The following MYOF variants were observed in gnomAD, a reference collection of about 807,000 sequenced individuals.
MYOF encodes myoferlin, also known as fer-1-like 3, myoferlin.
MYOF carries 244 observed loss-of-function variants against 284.2 expected under a neutral mutation model. That is an observed-to-expected ratio of 0.86 (90% confidence interval 0.77 to 0.95). MYOF has a LOEUF of 0.95. MYOF is among the 40% of genes least tolerant of loss of function. The probability of loss-of-function intolerance (pLI) is 0.00; values close to 1 mark genes in which losing one functional copy is unlikely to be tolerated. For synonymous variants in MYOF, 904 were observed against 919.7 expected (o/e 0.98, Z 0.31); for missense variants, 2,496 against 2,560.6 (o/e 0.97, Z 0.54).
chr10:93,461,721 G>C (rs957170727), intron 1 of MYOF, among the ~76,000 whole-genome samples: 5 of 152,104 alleles, frequency 3.3e-5, no homozygotes, highest in Non-Finnish European at 7.4e-5. Context: ...GGGGGCAAAC[G>C]GGCTTTGTGG....
chr10:93,424,633 A>G (rs1300424329), intron 5 of MYOF, among the ~76,000 whole-genome samples: 1 of 152,118 alleles, frequency 6.6e-6, no homozygotes, highest in East Asian at 1.9e-4. Context: ...CAGTCTTGTC[A>G]CCAAGAGGAA....
chr10:93,479,432 G>GAA (rs1269859235), intron 1 of MYOF, among the ~76,000 whole-genome samples: 1 of 152,068 alleles, frequency 6.6e-6, no homozygotes, highest in East Asian at 1.9e-4. Context: ...TTAATTTTAC[G>GAA]CAGTGCTCAA....
intron 3 of MYOF, 77 bp downstream of exon 3, chr10:93,451,973 G>A (rs2056602622): frequency 6.9e-6 from 7 of 1,012,232 alleles, no homozygotes; most frequent in Non-Finnish European, 1.1e-5. Context: ...CGTTATTAAA[G>A]ATGTGTCTCT....
intron 1 of MYOF, among the ~76,000 whole-genome samples, chr10:93,477,574 C>T (rs1044952203): frequency 4.0e-5 from 6 of 150,634 alleles, no homozygotes; most frequent in African/African-American, 7.3e-5. Context: ...CATGGCCGGG[C>T]GCAGTGGCTC....
At chr10:93,396,320 G>C in intron 15 of MYOF, 96 bp from the exon 16 acceptor site, 1 of 897,908 alleles carries the variant, frequency 1.1e-6, no homozygotes, top group Non-Finnish European at 1.6e-6. Flanking sequence ...AAAAAAGTTA[G>C]AGCTGGAAAA....
At chr10:93,349,673 A>G in intron 36 of MYOF, 135 bp downstream of exon 36, 1 of 1,047,148 alleles carries the variant, frequency 9.5e-7, no homozygotes, top group Non-Finnish European at 1.3e-6. Context: ...AAAGTCACTG[A>G]CAAGCTGAAT....
At chr10:93,385,032 C>T (rs757571478) in intron 19 of MYOF, among the ~76,000 whole-genome samples, 5 of 152,126 alleles carry the variant, frequency 3.3e-5, no homozygotes, top group Admixed American at 6.5e-5. Flanking sequence ...GTGGGCCAGA[C>T]CAATGAGAGC....
chr10:93,350,266 T>A (rs1208923974), intron 35 of MYOF, among the ~76,000 whole-genome samples: 2 of 152,134 alleles, frequency 1.3e-5, no homozygotes, highest in Non-Finnish European at 2.9e-5. Context: ...CAAACAAGAC[T>A]GATCGTATTA....
chr10:93,399,348 G>T lies in MYOF; in HGVS notation c.1221+44C>A. On this transcript the variant is annotated intron_variant, in intron 13 of 53. Transcript: ENST00000359263. ...CTCCAAGGAAAGCACAGTAGTTTTA[G>T]ATATTTATTACTAGCAGCATCTGCA... 3 of 1,426,348 alleles carry T rather than the reference G, an allele frequency of 2.1e-6. No homozygotes were observed. In the South Asian group the frequency reaches 3.6e-5, roughly 17 times the overall value. The allele number at this position is 1,426,348 out of a possible 1,614,324, so 88.4% of individuals were successfully genotyped here.
chr10:93,402,232 A>C lies in MYOF; in HGVS notation c.990T>G (p.Pro330=), dbSNP rs778915981. ...GAAAGTAGAGAATGTAGGGACTCACAGGAGGCTCATCTCCGGTTCCCAGGA... is the reference window on the plus strand; with the variant it reads ...GAAAGTAGAGAATGTAGGGACTCACCGGAGGCTCATCTCCGGTTCCCAGGA... ...MFVLGTGDEP[P]PERRDRDNDS... is the part of the protein sequence containing the mutation. Residue 330 remains proline (P), a splice_region_variant and synonymous_variant, in exon 11 of 54, where the codon CCT becomes CCG. Transcript: ENST00000359263. 5 of 1,612,334 alleles carry C rather than the reference A, an allele frequency of 3.1e-6. No individual in the cohort carries two copies. The African/African-American group carries it at 5.3e-5, about 17-fold the overall frequency.
chr10:93,358,212 G>T (rs787631), intron 29 of MYOF, among the ~76,000 whole-genome samples: 114,779 of 152,118 alleles, frequency 0.75, 43,513 homozygotes, highest in East Asian at 0.98. Context: ...TCAACATCAC[G>T]GATCACTAGA....
chr10:93,450,747 A>C (rs753732476), intron 3 of MYOF, among the ~76,000 whole-genome samples: 2 of 152,224 alleles, frequency 1.3e-5, no homozygotes. Context: ...TGCAGCCTTC[A>C]GATTATATCA....
intron 1 of MYOF, among the ~76,000 whole-genome samples, chr10:93,478,840 A>AG (rs1554875967): frequency 0.022 from 1,635 of 75,248 alleles, 58 homozygotes; most frequent in Non-Finnish European, 0.027. Flanking sequence ...AAAAAAAAAA[A>AG]AAAGAAAGAA....
chr10:93,392,897 C>G lies in MYOF; in HGVS notation c.1456+20G>C. Reference sequence around the variant, plus strand: ...TTAGCTAGGAAGATATAACAGAGAGCAAAATTACGAAGCATAAACCTGTAT... The same window carrying G: ...TTAGCTAGGAAGATATAACAGAGAGGAAAATTACGAAGCATAAACCTGTAT... On this transcript the variant is annotated intron_variant, in intron 17 of 53. Coordinates refer to ENST00000359263, the MANE Select transcript of MYOF (RefSeq NM_013451.4). The G allele has an allele frequency of 6.2e-7, 1 of 1,604,138 alleles. No individual in the cohort carries two copies. Among genetic ancestry groups the G allele is most frequent in the East Asian group, 2.2e-5 (1 of 44,808 alleles).
At chr10:93,338,923 G>A (rs1480147829) in intron 39 of MYOF, among the ~76,000 whole-genome samples, 1 of 142,898 alleles carries the variant, frequency 7.0e-6, no homozygotes, top group Non-Finnish European at 1.5e-5. Flanking sequence ...AAATAATAAC[G>A]CCAAAAAAAA....
At chr10:93,412,913 G>A (rs1042697089) in intron 5 of MYOF, among the ~76,000 whole-genome samples, 1 of 152,092 alleles carries the variant, frequency 6.6e-6, no homozygotes, top group Non-Finnish European at 1.5e-5. Flanking sequence ...GCTTCCCCTC[G>A]GTAAACCTGT....
chr10:93,328,234 T>TC (rs1485927220), intron 45 of MYOF, among the ~76,000 whole-genome samples: 20 of 152,292 alleles, frequency 1.3e-4, no homozygotes, highest in African/African-American at 4.3e-4. Context: ...GTTCGCATGC[T>TC]CTATGATGCT....
intron 29 of MYOF, among the ~76,000 whole-genome samples, chr10:93,358,393 A>G (rs564956269): frequency 6.6e-6 from 1 of 152,246 alleles, no homozygotes; most frequent in South Asian, 2.1e-4. Context: ...CAGTGTGGCG[A>G]TTCTTCAAAG....
At position 93,355,463 on chromosome 10, in the gene MYOF, G is replaced by A. The variant is rs1481003682; in HGVS notation, c.3403+165C>T. Among the ~76,000 whole-genome samples, 7 of 152,276 alleles carry A rather than the reference G, an allele frequency of 4.6e-5. No individual in the cohort carries two copies. In the East Asian group the frequency reaches 1.4e-3, roughly 29 times the overall value. On this transcript the variant is annotated intron_variant, in intron 31 of 53. Coordinates refer to ENST00000359263, the MANE Select transcript of MYOF (RefSeq NM_013451.4). ...TAGCCAGGCATGGTGACGTGCGCCT[G>A]TAGTCCCAGCTACTCAGGAGGCTGA...
Sources: allele counts gnomAD v4.1 joint callset (sites outside exome capture counted in the v4.1 genomes callset), GRCh38; gene constraint gnomAD v4.1.1; transcripts MANE v1.5; gene names NCBI Gene and HGNC (gene_info 2026-07-23, HGNC 2026-07-21).